TAF13: variants seen among roughly 807,000 people sequenced by gnomAD.
TAF13 encodes transcription initiation factor TFIID subunit 13.
TAF13 carries 9 observed loss-of-function variants against 18.7 expected under a neutral mutation model. The ratio of observed to expected loss-of-function variants is 0.48; its 90% confidence interval spans 0.29 to 0.84. The LOEUF (loss-of-function observed/expected upper bound fraction) is 0.84, where lower values mean the gene tolerates loss of function less well. Ranked by LOEUF, TAF13 falls within the 40% of genes least tolerant of loss-of-function variation. TAF13 has a pLI of 0.08. For missense variants in TAF13, 105 were observed against 146.5 expected (o/e 0.72, Z 1.46); for synonymous variants, 49 against 44.1 (o/e 1.11, Z -0.44).
chr1:109,066,962 G>T (rs1026586977), intron 2 of TAF13, among the ~76,000 whole-genome samples: 11 of 152,010 alleles, frequency 7.2e-5, no homozygotes, highest in African/African-American at 2.4e-4. Flanking sequence ...CTGGTGATCT[G>T]CGTGCCTCAG....
chr1:109,064,726 T>C, intron 3 of TAF13, 33 bp from the exon 4 acceptor site: 1 of 1,393,504 alleles, frequency 7.2e-7, no homozygotes, highest in South Asian at 1.9e-5. Flanking sequence ...ATTTAACTTT[T>C]TTAAATCTAA....
intron 2 of TAF13, among the ~76,000 whole-genome samples, chr1:109,067,310 T>G (rs1663967468): frequency 6.6e-6 from 1 of 151,420 alleles, no homozygotes; most frequent in Non-Finnish European, 1.5e-5. Context: ...AAACAAAAAT[T>G]AGCTGGGCGT....
chr1:109,075,966 C>G lies in TAF13; in HGVS notation c.-19G>C. ...CTGCCATCCCACTAGCACGCCAACT[C>G]ACAGCGTCCTGCCGGCTGGCTCCCA... On this transcript the variant is annotated 5_prime_UTR_variant, in exon 1 of 4. Coordinates refer to ENST00000338366, the MANE Select transcript of TAF13 (RefSeq NM_005645.4). 6.2e-7 allele frequency: 1 copy of G among 1,614,212 alleles called. No individual in the cohort carries two copies. Among genetic ancestry groups the G allele is most frequent in the Non-Finnish European group, 8.5e-7 (1 of 1,180,046 alleles).
intron 2 of TAF13, among the ~76,000 whole-genome samples, chr1:109,071,600 G>A (rs945431397): frequency 6.6e-6 from 1 of 151,794 alleles, no homozygotes; most frequent in African/African-American, 2.4e-5. Context: ...ACAGAAGAGT[G>A]AGACCCTGTC....
In TAF13 at chr1:109,066,002, A is replaced by G. The variant is rs542317081; in HGVS notation, c.204+133T>C. ...CCATCCTCAATGATAAATAGTAACC[A>G]ATAACTTCTGCAAACAAGCACTCAA... On this transcript the variant is annotated intron_variant, in intron 3 of 3. Coordinates refer to ENST00000338366, the MANE Select transcript of TAF13 (RefSeq NM_005645.4). 50 of 673,680 alleles carry G rather than the reference A, an allele frequency of 7.4e-5. No homozygotes were observed. In the African/African-American group the frequency reaches 8.9e-4, roughly 12 times the overall value. The allele number at this position is 673,680 out of a possible 1,614,324, so 41.7% of individuals were successfully genotyped here.
intron 2 of TAF13, among the ~76,000 whole-genome samples, chr1:109,068,308 T>C (rs1479112579): frequency 1.3e-5 from 2 of 152,108 alleles, no homozygotes; most frequent in Admixed American, 1.3e-4. Context: ...CTAATTTTTT[T>C]GTATTTTTTA....
intron 2 of TAF13, among the ~76,000 whole-genome samples, chr1:109,067,507 G>A (rs1385980238): frequency 6.6e-6 from 1 of 151,986 alleles, no homozygotes; most frequent in Non-Finnish European, 1.5e-5. Flanking sequence ...CTACTCGGGA[G>A]GCTGAGGCAT....
At chr1:109,070,665 A>G (rs2102108858) in intron 2 of TAF13, among the ~76,000 whole-genome samples, 1 of 152,278 alleles carries the variant, frequency 6.6e-6, no homozygotes, top group Admixed American at 6.5e-5. Flanking sequence ...AAGTGCTGGG[A>G]TTACAGGCAT....
chr1:109,073,692 A>G (rs1334507588), intron 2 of TAF13, among the ~76,000 whole-genome samples: 2 of 152,174 alleles, frequency 1.3e-5, no homozygotes, highest in Non-Finnish European at 2.9e-5. Context: ...GCTGGAGTGC[A>G]GTGGCGTGAT....
intron 3 of TAF13, 53 bp downstream of exon 3, chr1:109,066,082 A>G: frequency 1.4e-6 from 2 of 1,476,834 alleles, no homozygotes; most frequent in Non-Finnish European, 9.3e-7. Flanking sequence ...CTAAAGTTTA[A>G]TATTTCAAAT....
At chr1:109,068,873 G>A (rs34747818) in intron 2 of TAF13, among the ~76,000 whole-genome samples, 72,283 of 151,994 alleles carry the variant, frequency 0.48, 18,145 homozygotes, top group South Asian at 0.56. Flanking sequence ...GTGGTGGCAC[G>A]CACCTGTAAT....
chr1:109,072,798 T>A (rs1404047153), intron 2 of TAF13, among the ~76,000 whole-genome samples: 4 of 98,834 alleles, frequency 4.0e-5, no homozygotes, highest in Non-Finnish European at 8.2e-5. Context: ...TTTTTTTTTT[T>A]AAGACAGAGT....
At chr1:109,071,304 G>A (rs913051513) in intron 2 of TAF13, among the ~76,000 whole-genome samples, 11 of 152,090 alleles carry the variant, frequency 7.2e-5, no homozygotes, top group Non-Finnish European at 1.5e-4. Flanking sequence ...AGCCGGGCAT[G>A]GTGGCACACA....
At chr1:109,070,167 C>T (rs558197066) in intron 2 of TAF13, among the ~76,000 whole-genome samples, 9 of 152,140 alleles carry the variant, frequency 5.9e-5, no homozygotes, top group Non-Finnish European at 1.3e-4. Context: ...TTAGTTCCCT[C>T]GAATCCGATA....
intron 2 of TAF13, among the ~76,000 whole-genome samples, chr1:109,069,068 G>A (rs1310841049): frequency 6.6e-6 from 1 of 152,142 alleles, no homozygotes; most frequent in African/African-American, 2.4e-5. Context: ...TACATTATCT[G>A]TACATGGGCA....
chr1:109,070,763 G>T (rs571753204), intron 2 of TAF13, among the ~76,000 whole-genome samples: 13 of 152,264 alleles, frequency 8.5e-5, no homozygotes, highest in Non-Finnish European at 1.3e-4. Flanking sequence ...GAATATTCAG[G>T]TAAGATAAGG....
intron 2 of TAF13, among the ~76,000 whole-genome samples, chr1:109,071,464 G>T (rs111310581): frequency 0.022 from 3,300 of 149,770 alleles, 48 homozygotes; most frequent in South Asian, 0.033. Context: ...AAAAAAATTA[G>T]CTGGGCATGG....
chr1:109,072,725 G>A (rs951323400), intron 2 of TAF13, among the ~76,000 whole-genome samples: 15 of 151,512 alleles, frequency 9.9e-5, no homozygotes, highest in African/African-American at 3.2e-4. Context: ...GATTACAGGC[G>A]TGAGCCACTG....
intron 2 of TAF13, among the ~76,000 whole-genome samples, chr1:109,071,959 T>C (rs111970897): frequency 0.09 from 616 of 6,844 alleles, 41 homozygotes; most frequent in African/African-American, 0.18. Context: ...AAAAAGAAAA[T>C]ATATATATAT....
Sources: gnomAD v4.1 joint callset for allele counts (sites outside exome capture counted in the v4.1 genomes callset) on GRCh38, gnomAD v4.1.1 for gene constraint, MANE v1.5 for transcripts, NCBI Gene and HGNC (gene_info 2026-07-23, HGNC 2026-07-21) for gene names.